Variants in CSMD1 observed in about 807,000 individuals in gnomAD.
CSMD1 encodes CUB and sushi domain-containing protein 1.
CSMD1 carries 213 observed loss-of-function variants against 417.5 expected under a neutral mutation model. The observed-to-expected ratio is 0.51, with a 90% confidence interval of 0.46 to 0.57. The LOEUF (loss-of-function observed/expected upper bound fraction) is 0.57. Among genes scored for constraint, CSMD1 ranks in the 20% least tolerant of loss-of-function variants. The pLI is 0.00. For synonymous variants in CSMD1, 2,862 were observed against 1,736.8 expected (o/e 1.65, Z -16.11); for missense variants, 6,923 against 4,529.7 (o/e 1.53, Z -15.17).
chr8:3,887,438 C>T (rs1376325509), intron 5 of CSMD1, among the ~76,000 whole-genome samples: 2 of 152,270 alleles, frequency 1.3e-5, no homozygotes, highest in South Asian at 2.1e-4. Flanking sequence ...ATTATAGACC[C>T]TATCCATGAA....
intron 5 of CSMD1, among the ~76,000 whole-genome samples, chr8:3,865,977 G>A (rs183047584): frequency 6.6e-4 from 101 of 152,178 alleles, no homozygotes; most frequent in Admixed American, 7.2e-4. Flanking sequence ...AAAAGTGAAA[G>A]GAATTTCACC....
chr8:3,422,110 G>A (rs1405723604), intron 12 of CSMD1, among the ~76,000 whole-genome samples: 1 of 152,168 alleles, frequency 6.6e-6, no homozygotes, highest in Non-Finnish European at 1.5e-5. Context: ...ATGACTAGAT[G>A]ATCAATGAAA....
chr8:3,645,448 A>T (rs978366243), intron 7 of CSMD1, among the ~76,000 whole-genome samples: 1 of 152,192 alleles, frequency 6.6e-6, no homozygotes, highest in Non-Finnish European at 1.5e-5. Flanking sequence ...AAGACAGCAA[A>T]CCTTAAAGCA....
At chr8:3,812,974 T>A (rs1307033504) in intron 5 of CSMD1, among the ~76,000 whole-genome samples, 1 of 152,166 alleles carries the variant, frequency 6.6e-6, no homozygotes, top group Non-Finnish European at 1.5e-5. Context: ...GCAGTGCAAT[T>A]TCTTGGGAGG....
At chr8:4,462,634 A>G (rs149003530) in intron 2 of CSMD1, among the ~76,000 whole-genome samples, 2 of 152,326 alleles carry the variant, frequency 1.3e-5, no homozygotes, top group African/African-American at 4.8e-5. Context: ...TGCTTGCATT[A>G]GACACATGGA....
In CSMD1 at chr8:4,054,197, G is replaced by A. The variant is rs183074056; in HGVS notation, c.416-22098C>T. Among the ~76,000 whole-genome samples, 222 of 152,264 alleles carry A rather than the reference G, an allele frequency of 1.5e-3. 1 individual carries two copies. The highest frequency in any genetic ancestry group is 4.8e-3 in the African/African-American group (199 of 41,550). On this transcript the variant is annotated intron_variant, in intron 3 of 69. Transcript: ENST00000635120. ...GATTTCACAGAACGCACGGCCATGAGAAGAAATGATTTGGCGCCACCTCTC... is the reference window on the plus strand; with the variant it reads ...GATTTCACAGAACGCACGGCCATGAAAAGAAATGATTTGGCGCCACCTCTC...
intron 23 of CSMD1, among the ~76,000 whole-genome samples, chr8:3,337,848 G>A (rs549944867): frequency 3.3e-5 from 5 of 152,194 alleles, no homozygotes; most frequent in South Asian, 2.1e-4. Flanking sequence ...AACCCAAACC[G>A]TAAGTGTTTA....
In CSMD1 at chr8:4,891,182, C is replaced by G. The variant is rs1293109361; in HGVS notation, c.85+103150G>C. ...GTCAATGAGATTTCTGAAAATACAT[C>G]TGGAAGTGAAACATGTGACAGTCAC... is the stretch of plus-strand genomic sequence containing the variant. On this transcript the variant is annotated intron_variant, in intron 1 of 69. Coordinates refer to ENST00000635120, the MANE Select transcript of CSMD1 (RefSeq NM_033225.6). Among the ~76,000 whole-genome samples, 7 of 152,208 alleles carry G rather than the reference C, an allele frequency of 4.6e-5. No individual in the cohort carries two copies. In the South Asian group the frequency reaches 1.2e-3, roughly 27 times the overall value.
intron 3 of CSMD1, among the ~76,000 whole-genome samples, chr8:4,348,524 TGA>T (rs1274291059): frequency 2.0e-5 from 3 of 151,392 alleles, no homozygotes; most frequent in Non-Finnish European, 4.4e-5. Flanking sequence ...GCAAAGATTT[TGA>T]GAGTTGTATC....
intron 49 of CSMD1, among the ~76,000 whole-genome samples, chr8:3,071,081 C>T (rs549499036): frequency 1.3e-5 from 2 of 152,190 alleles, no homozygotes; most frequent in East Asian, 1.9e-4. Context: ...GGTGGGGATG[C>T]CACACACCCA....
intron 10 of CSMD1, among the ~76,000 whole-genome samples, chr8:3,517,334 A>T (rs1797323855): frequency 6.6e-6 from 1 of 152,194 alleles, no homozygotes; most frequent in African/African-American, 2.4e-5. Flanking sequence ...TCCAAGTAAA[A>T]TTTAAGGAAA....
chr8:4,177,861 T>C (rs1411276346), intron 3 of CSMD1, among the ~76,000 whole-genome samples: 1 of 151,122 alleles, frequency 6.6e-6, no homozygotes, highest in African/African-American at 2.4e-5. Flanking sequence ...ACACATACAC[T>C]CTCCCAAGAC....
chr8:3,958,532 T>G (rs1397686643), intron 5 of CSMD1, among the ~76,000 whole-genome samples: 1 of 152,190 alleles, frequency 6.6e-6, no homozygotes, highest in East Asian at 1.9e-4. Flanking sequence ...CTGGGTTTAG[T>G]TCTATTATTC....
At chr8:3,941,534 G>A (rs984103472) in intron 5 of CSMD1, among the ~76,000 whole-genome samples, 1 of 152,066 alleles carries the variant, frequency 6.6e-6, no homozygotes, top group Non-Finnish European at 1.5e-5. Flanking sequence ...GTTTTAAAGT[G>A]CTCTCTCTCC....
intron 10 of CSMD1, among the ~76,000 whole-genome samples, chr8:3,548,906 C>T (rs1290177659): frequency 6.6e-6 from 1 of 152,110 alleles, no homozygotes; most frequent in Admixed American, 6.5e-5. Context: ...CCCCTTCTCA[C>T]CTGGTGGTCA....
Position 4,808,682 on chromosome 8 carries a change from C to T in CSMD1, c.86-171124G>A, listed in dbSNP as rs188960464. ...ATCGGTTTCAACCATTTAGAACATA[C>T]TGGTTTAAAAATCTACTGTCGCTTG... On this transcript the variant is annotated intron_variant, in intron 1 of 69. Coordinates refer to ENST00000635120, the MANE Select transcript of CSMD1 (RefSeq NM_033225.6). Among the ~76,000 whole-genome samples the T allele has an allele frequency of 6.8e-3, 1,036 of 152,300 alleles. 3 individuals are homozygous for T. Among genetic ancestry groups the T allele is most frequent in the Non-Finnish European group, 0.012 (803 of 68,026 alleles).
intron 1 of CSMD1, among the ~76,000 whole-genome samples, chr8:4,869,272 G>C (rs1323734147): frequency 6.6e-6 from 1 of 151,976 alleles, no homozygotes; most frequent in Admixed American, 6.6e-5. Flanking sequence ...ATTTAACATA[G>C]TGCTAATTCC....
intron 5 of CSMD1, among the ~76,000 whole-genome samples, chr8:3,762,916 C>T (rs1436751789): frequency 2.6e-5 from 4 of 152,100 alleles, no homozygotes; most frequent in Admixed American, 2.6e-4. Flanking sequence ...TCAACTTTCA[C>T]CTGCCTACGC....
chr8:4,829,467 T>G (rs981598378), intron 1 of CSMD1, among the ~76,000 whole-genome samples: 1 of 152,084 alleles, frequency 6.6e-6, no homozygotes, highest in South Asian at 2.1e-4. Context: ...TAAGGCCAGG[T>G]GCAGTGGCTA....
Sources: gnomAD v4.1 joint callset for allele counts (sites outside exome capture counted in the v4.1 genomes callset) on GRCh38, gnomAD v4.1.1 for gene constraint, MANE v1.5 for transcripts, NCBI Gene and HGNC (gene_info 2026-07-23, HGNC 2026-07-21) for gene names.